Variants in LARGE1 observed in about 807,000 individuals in gnomAD.
The protein encoded by LARGE1 is xylosyl- and glucuronyltransferase LARGE1.
Under a neutral mutation model 87.6 loss-of-function variants are expected in LARGE1, and 43 were observed. The observed-to-expected ratio is 0.49, with a 90% CI of 0.38 to 0.63. The LOEUF is 0.63. LARGE1 is among the 30% of genes least tolerant of loss of function. The pLI is 0.00. For missense variants in LARGE1, 802 were observed against 1,000.2 expected (o/e 0.80, Z 2.67); for synonymous variants, 434 against 394.6 (o/e 1.10, Z -1.18).
chr22:33,096,638 C>T, the LARGE1 span, among the ~76,000 whole-genome samples: 19 of 150,312 alleles, frequency 1.3e-4, no homozygotes, highest in Middle Eastern at 3.5e-3. Flanking sequence ...GATCTCGGCT[C>T]ACTGCAAGCT....
chr22:33,359,322 A>C (rs1391632191), intron 9 of LARGE1, among the ~76,000 whole-genome samples: 1 of 152,168 alleles, frequency 6.6e-6, no homozygotes, highest in Non-Finnish European at 1.5e-5. Flanking sequence ...AAAGTGACTT[A>C]ACCTGTGTGA....
chr22:33,720,011 C>T (rs568506162), intron 2 of LARGE1, among the ~76,000 whole-genome samples: 78 of 152,206 alleles, frequency 5.1e-4, no homozygotes, highest in Admixed American at 8.5e-4. Context: ...ACCATTTCTC[C>T]GCAGACAAAG....
intron 5 of LARGE1, among the ~76,000 whole-genome samples, chr22:33,589,153 T>G (rs1011701310): frequency 3.9e-5 from 6 of 152,214 alleles, no homozygotes; most frequent in South Asian, 2.1e-4. Flanking sequence ...GGCCCACGGC[T>G]AGGCTGCAGG....
intron 6 of LARGE1, among the ~76,000 whole-genome samples, chr22:33,467,003 T>C (rs1161658714): frequency 1.3e-5 from 2 of 152,128 alleles, no homozygotes; most frequent in Admixed American, 6.6e-5. Context: ...GATCGTGCCA[T>C]TGTACTCCAG....
chr22:33,701,036 C>T (rs1002172195), intron 2 of LARGE1, among the ~76,000 whole-genome samples: 1 of 152,084 alleles, frequency 6.6e-6, no homozygotes, highest in Admixed American at 6.6e-5. Flanking sequence ...AAAATGCGGG[C>T]TCTGATTCAT....
intron 9 of LARGE1, among the ~76,000 whole-genome samples, chr22:33,341,466 A>G (rs894449265): frequency 6.6e-6 from 1 of 152,130 alleles, no homozygotes; most frequent in Non-Finnish European, 1.5e-5. Flanking sequence ...AGAGCCTGCC[A>G]TCTGAAGAGA....
chr22:33,403,333 C>T (rs1199991034), intron 7 of LARGE1, among the ~76,000 whole-genome samples: 1 of 152,154 alleles, frequency 6.6e-6, no homozygotes, highest in East Asian at 1.9e-4. Context: ...AAGCAGAGTC[C>T]TAGTGCAGAA....
At chr22:33,343,986 C>A (rs1047056916) in intron 9 of LARGE1, among the ~76,000 whole-genome samples, 2 of 152,196 alleles carry the variant, frequency 1.3e-5, no homozygotes, top group African/African-American at 4.8e-5. Flanking sequence ...CAGGAAGCAT[C>A]CAGCACGGGA....
At chr22:33,203,167 CAGAG>C (rs373832299) in intron 11 of LARGE1, among the ~76,000 whole-genome samples, 6 of 142,354 alleles carry the variant, frequency 4.2e-5, no homozygotes, top group Middle Eastern at 3.7e-3. Flanking sequence ...GACAGACAGA[CAGAG>C]AGAGGCTGGT....
At chr22:33,095,061 C>T in the LARGE1 span, among the ~76,000 whole-genome samples, 1 of 152,196 alleles carries the variant, frequency 6.6e-6, no homozygotes, top group Admixed American at 6.5e-5. Context: ...TTGCACTTTG[C>T]ATTGTATTAT....
chr22:33,156,775 T>C, the LARGE1 span, among the ~76,000 whole-genome samples: 1 of 152,120 alleles, frequency 6.6e-6, no homozygotes. Context: ...TAGAATGATA[T>C]GGTTTGGCTG....
At chr22:33,816,677 T>TAGATAGAC (rs2086658740) in intron 1 of LARGE1, among the ~76,000 whole-genome samples, 10 of 123,642 alleles carry the variant, frequency 8.1e-5, no homozygotes, top group Admixed American at 3.8e-4. Context: ...GATGGATGGA[T>TAGATAGAC]AGATAGATAG....
At chr22:33,423,902 T>C (rs956484674) in intron 7 of LARGE1, among the ~76,000 whole-genome samples, 1 of 152,258 alleles carries the variant, frequency 6.6e-6, no homozygotes, top group Admixed American at 6.5e-5. Context: ...TAAAACTCAC[T>C]AGACCAATAT....
At chr22:33,151,294 G>T in the LARGE1 span, among the ~76,000 whole-genome samples, 1 of 152,126 alleles carries the variant, frequency 6.6e-6, no homozygotes. Context: ...GTGTGTGTGT[G>T]TTGACCTTGT....
At chr22:33,858,157 G>A (rs1418375350) in intron 1 of LARGE1, among the ~76,000 whole-genome samples, 2 of 152,202 alleles carry the variant, frequency 1.3e-5, no homozygotes, top group Non-Finnish European at 1.5e-5. Flanking sequence ...ACCCAGGCAC[G>A]TAGCTGTGCA....
chr22:33,665,864 C>G (rs2081253239), intron 2 of LARGE1, among the ~76,000 whole-genome samples: 1 of 150,546 alleles, frequency 6.6e-6, no homozygotes, highest in African/African-American at 2.5e-5. Flanking sequence ...TGCACCCCAG[C>G]CTGGGCAACA....
intron 6 of LARGE1, among the ~76,000 whole-genome samples, chr22:33,435,846 A>G (rs2067250423): frequency 6.6e-6 from 1 of 152,182 alleles, no homozygotes; most frequent in Admixed American, 6.5e-5. Flanking sequence ...AAAATTCCTT[A>G]ATTAGCAACA....
At chr22:33,382,442 T>C (rs1362661228) in intron 8 of LARGE1, among the ~76,000 whole-genome samples, 2 of 152,186 alleles carry the variant, frequency 1.3e-5, no homozygotes. Context: ...AACTGCATGA[T>C]GACAAGTAGC....
chr22:33,859,068 A>T (rs1371825919), intron 1 of LARGE1, among the ~76,000 whole-genome samples: 4 of 152,152 alleles, frequency 2.6e-5, no homozygotes, highest in African/African-American at 7.2e-5. Flanking sequence ...GAGGGATAAC[A>T]TTAGGACAAA....
Sources: gnomAD v4.1 joint callset for allele counts (sites outside exome capture counted in the v4.1 genomes callset) on GRCh38, gnomAD v4.1.1 for gene constraint, MANE v1.5 for transcripts, NCBI Gene and HGNC (gene_info 2026-07-23, HGNC 2026-07-21) for gene names.